The following ZNF789 variants were observed in gnomAD, a reference collection of about 807,000 sequenced individuals.
The protein encoded by ZNF789 is zinc finger protein 789.
A neutral mutation model predicts 15.6 loss-of-function variants in ZNF789; 11 were observed. The observed-to-expected ratio is 0.70, with a 90% CI of 0.44 to 1.16. The LOEUF (loss-of-function observed/expected upper bound fraction) is 1.16. Among genes scored for constraint, ZNF789 ranks in the 50% most tolerant of loss-of-function variants. The pLI, the probability that ZNF789 is intolerant of heterozygous loss-of-function variation, is 0.00. For missense variants in ZNF789, 461 were observed against 512.6 expected, an observed-to-expected ratio of 0.90 and a Z score of 0.97; for synonymous variants, 159 against 176.0, an observed-to-expected ratio of 0.90 and a Z score of 0.76.
chr7:99,475,909 A>C (rs1227744897), intron 1 of ZNF789, among the ~76,000 whole-genome samples: 2 of 149,632 alleles, frequency 1.3e-5, no homozygotes, highest in East Asian at 2.0e-4. Context: ...GGTTCAAGCG[A>C]TTCTCCTGCC....
At chr7:99,474,327 G>T (rs1584546971) in intron 1 of ZNF789, among the ~76,000 whole-genome samples, 1 of 152,326 alleles carries the variant, frequency 6.6e-6, no homozygotes, top group Admixed American at 6.5e-5. Flanking sequence ...GGGCGCGGTG[G>T]CTCACGCCTG....
At position 99,486,512 on chromosome 7, in the gene ZNF789, C is replaced by T; in HGVS notation, c.302C>T (p.Pro101Leu). Residue 101 changes from proline (P) to leucine (L), a missense_variant, in exon 5 of 5, where the codon CCA becomes CTA. Physicochemically the swap from Pro to Leu is moderately conservative, Grantham distance 98. Transcript: ENST00000331410. ...AGACACAAGATGAAAAAGCTAACTC[C>T]AAAACAGAAATTTTCTGAAGATTTA... ...EARHKMKKLT[P>L]KQKFSEDLES... 31 of 1,612,896 alleles carry T rather than the reference C, an allele frequency of 1.9e-5. No individual in the cohort carries two copies. The highest frequency in any genetic ancestry group is 2.6e-5 in the Non-Finnish European group (31 of 1,179,646).
At chr7:99,482,025 TGGA>T in intron 3 of ZNF789, 1 of 643,366 alleles carries the variant, frequency 1.6e-6, no homozygotes, top group Admixed American at 2.7e-5. Flanking sequence ...TTTTCTTTTT[TGGA>T]TTTTGGAATA....
intron 4 of ZNF789, among the ~76,000 whole-genome samples, chr7:99,485,693 G>C (rs1799899357): frequency 1.3e-5 from 2 of 152,052 alleles, no homozygotes; most frequent in South Asian, 4.1e-4. Flanking sequence ...CTAGCCGGGC[G>C]TGGTGGTGTA....
chr7:99,475,288 C>T (rs1030139617), intron 1 of ZNF789, among the ~76,000 whole-genome samples: 4 of 150,810 alleles, frequency 2.7e-5, no homozygotes, highest in Non-Finnish European at 5.9e-5. Flanking sequence ...CAGCTACTTC[C>T]GGAGGCTGAG....
chr7:99,476,392 T>C lies in ZNF789; in HGVS notation c.-54-11T>C, dbSNP rs1799335326. ...TTAGGGCTGGCCTTACTGACTTTTT[T>C]TCTTCTCCAGCTCAGCCAGACGTCC... On this transcript the variant is annotated splice_polypyrimidine_tract_variant and intron_variant, in intron 1 of 4. Coordinates refer to ENST00000331410, the MANE Select transcript of ZNF789 (RefSeq NM_213603.3). 1.4e-5 allele frequency: 22 copies of C among 1,586,046 alleles called. No homozygotes were observed. In the South Asian group the frequency reaches 2.1e-4, roughly 15 times the overall value.
chr7:99,474,352 TG>T, intron 1 of ZNF789, among the ~76,000 whole-genome samples: 1 of 152,240 alleles, frequency 6.6e-6, no homozygotes, highest in East Asian at 1.9e-4. Flanking sequence ...CCCAGCACTT[TG>T]GGAGGCCAAG....
chr7:99,485,243 A>G (rs1166346081), intron 4 of ZNF789: 4 of 1,534,336 alleles, frequency 2.6e-6, no homozygotes, highest in African/African-American at 1.4e-5. Context: ...TTTCTCCTCC[A>G]TGGCACTACT....
chr7:99,478,337 G>T (rs558698964), intron 2 of ZNF789: 1 of 1,289,578 alleles, frequency 7.8e-7, no homozygotes, highest in African/African-American at 1.5e-5. Flanking sequence ...TCTGGTAAAA[G>T]AGTGACACTC....
intron 2 of ZNF789, chr7:99,479,277 C>T (rs1015534346): frequency 1.2e-5 from 2 of 168,840 alleles, no homozygotes; most frequent in African/African-American, 4.8e-5. Context: ...TTCCCTGAAA[C>T]ACAGCTGTGC....
At position 99,476,466 on chromosome 7, in the gene ZNF789, C is replaced by G. The variant is rs1419945107; in HGVS notation, c.10C>G (p.Pro4Ala). 1.2e-6 allele frequency: 2 copies of G among 1,612,134 alleles called. No individual in the cohort carries two copies. The highest frequency in any genetic ancestry group is 8.5e-7 in the Non-Finnish European group (1 of 1,179,364). Residue 4 changes from proline (P) to alanine (A), a missense_variant, in exon 2 of 5, where the codon CCA (proline) becomes GCA (alanine). Coordinates refer to ENST00000331410, the MANE Select transcript of ZNF789 (RefSeq NM_213603.3). The part of the protein sequence containing the change: MFP[P>A]ARGKELLSFE... The stretch of plus-strand genomic sequence containing the variant: ...CCAGGCCGTGGAAGCCATGTTCCCA[C>G]CAGCCAGGGGGAAGGTGAGCTGTGC...
chr7:99,473,647 G>A (rs1372161519), intron 1 of ZNF789, among the ~76,000 whole-genome samples: 1 of 152,170 alleles, frequency 6.6e-6, no homozygotes, highest in African/African-American at 2.4e-5. Context: ...TTGAGACGAA[G>A]TGTTACTCTG....
In ZNF789 at chr7:99,486,453, ATCTTT is replaced by A; in HGVS notation, c.266-18_266-14del. 1 of 1,592,884 alleles carries A rather than the reference ATCTTT, an allele frequency of 6.3e-7. No individual in the cohort carries two copies. ...CTTCTGCAGTGGATAGGTCATTTAC[ATCTTT>A]TCTTGTTATTTGGCTAGGTTCTGAA... On this transcript the variant is annotated intron_variant, in intron 4 of 4. Coordinates refer to ENST00000331410, the MANE Select transcript of ZNF789 (RefSeq NM_213603.3).
rs184497593 is a variant in ZNF789 at position 99,474,134 on chromosome 7, A to G, written c.-55+1078A>G. ...TAGCAAGTCTGACATTCAGATGCAC[A>G]GCCTTCACAAACACATTCAGTAAAT... On this transcript the variant is annotated intron_variant, in intron 1 of 4. Transcript: ENST00000331410. 1.3e-3 allele frequency among the ~76,000 whole-genome samples: 203 copies of G among 152,388 alleles called. 1 individual carries two copies. Among genetic ancestry groups the G allele is most frequent in the African/African-American group, 4.5e-3 (189 of 41,594 alleles).
chr7:99,474,589 A>C (rs900248134), intron 1 of ZNF789, among the ~76,000 whole-genome samples: 68 of 146,222 alleles, frequency 4.7e-4, no homozygotes, highest in African/African-American at 1.5e-3. Flanking sequence ...GCGAGACTCC[A>C]CCTCAAAAAA....
At chr7:99,475,487 T>C (rs1799280079) in intron 1 of ZNF789, among the ~76,000 whole-genome samples, 1 of 152,100 alleles carries the variant, frequency 6.6e-6, no homozygotes, top group Non-Finnish European at 1.5e-5. Flanking sequence ...GTGACCCCTT[T>C]AGAACACTTT....
rs1434066505 is a variant in ZNF789 at position 99,476,424 on chromosome 7, C to T, written c.-33C>T. 7.5e-6 allele frequency: 12 copies of T among 1,605,068 alleles called. No individual in the cohort carries two copies. The highest frequency in any genetic ancestry group is 1.0e-5 in the Non-Finnish European group (12 of 1,176,444). On this transcript the variant is annotated 5_prime_UTR_variant, in exon 2 of 5. Transcript: ENST00000331410. ...CCAGCTCAGCCAGACGTCCAGGATC[C>T]CACCCCTTGCAAAAGACCAGGCCGT...
Position 99,484,169 on chromosome 7 carries a change from G to C in ZNF789, c.265+26G>C, listed in dbSNP as rs750164134. 3 of 1,583,912 alleles carry C rather than the reference G, an allele frequency of 1.9e-6. No individual in the cohort carries two copies. In the East Asian group the frequency reaches 6.7e-5, roughly 35 times the overall value. ...GTGGGTGAGGAAGAGACCCAGGCGAGTGGAATCAGGAAGAGGAAGGGAAGG... is the reference window on the plus strand; with the variant it reads ...GTGGGTGAGGAAGAGACCCAGGCGACTGGAATCAGGAAGAGGAAGGGAAGG... On this transcript the variant is annotated intron_variant, in intron 4 of 4. Coordinates refer to ENST00000331410, the MANE Select transcript of ZNF789 (RefSeq NM_213603.3).
chr7:99,479,038 C>T (rs570714598), intron 2 of ZNF789: 15 of 152,764 alleles, frequency 9.8e-5, no homozygotes, highest in Non-Finnish European at 1.3e-4. Context: ...CCCTCCCCAC[C>T]TTACCCCTTC....
Sources: gnomAD v4.1 joint callset for allele counts (sites outside exome capture counted in the v4.1 genomes callset) on GRCh38, gnomAD v4.1.1 for gene constraint, MANE v1.5 for transcripts, NCBI Gene and HGNC (gene_info 2026-07-23, HGNC 2026-07-21) for gene names.